The following NXPE2 variants were observed in gnomAD, a reference collection of about 807,000 sequenced individuals.
NXPE2 encodes the protein neurexophilin and PC-esterase domain family member 2.
In NXPE2, 34 loss-of-function variants were observed where a neutral mutation model predicts 34.4. The observed-to-expected ratio is 0.99, with a 90% CI of 0.75 to 1.31. The LOEUF is 1.31. Ranked by LOEUF, NXPE2 falls within the 40% of genes most tolerant of loss-of-function variation. The probability of loss-of-function intolerance (pLI) is 0.00; values close to 1 mark genes in which losing one functional copy is unlikely to be tolerated. For missense variants in NXPE2, 649 were observed against 672.5 expected (o/e 0.97, Z 0.39); for synonymous variants, 235 against 231.3 (o/e 1.02, Z -0.15).
the NXPE2 span, among the ~76,000 whole-genome samples, chr11:114,605,800 AGGGTT>A: frequency 6.6e-6 from 1 of 150,688 alleles, no homozygotes; most frequent in African/African-American, 2.4e-5. Context: ...TATTGCCTCT[AGGGTT>A]ACCACTGTTA....
the NXPE2 span, among the ~76,000 whole-genome samples, chr11:114,538,003 G>A: frequency 6.6e-6 from 1 of 152,164 alleles, no homozygotes; most frequent in Non-Finnish European, 1.5e-5. Flanking sequence ...AAAGCTGGAG[G>A]CATCCCGCTA....
At chr11:114,540,734 C>G in the NXPE2 span, among the ~76,000 whole-genome samples, 1 of 146,482 alleles carries the variant, frequency 6.8e-6, no homozygotes, top group Non-Finnish European at 1.5e-5. Flanking sequence ...GAAGATGAAA[C>G]TTGGAAGAAG....
Position 114,698,624 on chromosome 11 carries a change from A to G in NXPE2, c.712A>G (p.Asn238Asp). 3 of 1,614,176 alleles carry G rather than the reference A, an allele frequency of 1.9e-6. No individual in the cohort carries two copies. The highest frequency in any genetic ancestry group is 2.5e-6 in the Non-Finnish European group (3 of 1,180,010). ...FTECGLTLNT[N>D]AELCQYMDDR... The stretch of plus-strand genomic sequence containing the variant: ...TGAATGTGGCCTGACCCTAAACACA[A>G]ATGCTGAACTGTGCCAGTACATGGA... Residue 238 changes from asparagine (N) to aspartate (D), a missense_variant, in exon 3 of 6, where the codon AAT (asparagine) becomes GAT (aspartate). By Grantham distance (23) the Asn-to-Asp change is conservative. Transcript: ENST00000389586.
chr11:114,588,940 C>T, the NXPE2 span, among the ~76,000 whole-genome samples: 1 of 152,108 alleles, frequency 6.6e-6, no homozygotes, highest in South Asian at 2.1e-4. Context: ...TTTGGAGAAC[C>T]TCCTGAGGGT....
chr11:114,790,060 C>T, the NXPE2 span, among the ~76,000 whole-genome samples: 17 of 152,286 alleles, frequency 1.1e-4, no homozygotes, highest in Admixed American at 5.2e-4. Flanking sequence ...AGGGGACTTA[C>T]GCACTTACAA....
chr11:114,562,084 C>A, the NXPE2 span, among the ~76,000 whole-genome samples: 1 of 152,132 alleles, frequency 6.6e-6, no homozygotes. Flanking sequence ...GTCCTTTTAA[C>A]TTTGTTTTCT....
chr11:114,480,097 G>A, the NXPE2 span, among the ~76,000 whole-genome samples: 3 of 152,048 alleles, frequency 2.0e-5, no homozygotes, highest in East Asian at 5.8e-4. Context: ...TTTCCCACTA[G>A]GCCTCATCTC....
At chr11:114,695,830 A>AACAGACACACACACAC (rs564407542) in intron 2 of NXPE2, among the ~76,000 whole-genome samples, 165 of 132,634 alleles carry the variant, frequency 1.2e-3, no homozygotes, top group Non-Finnish European at 2.1e-3. Flanking sequence ...GTCTCTACTA[A>AACAGACACACACACAC]ACACACACAC....
chr11:114,789,141 C>T, the NXPE2 span, among the ~76,000 whole-genome samples: 1 of 152,156 alleles, frequency 6.6e-6, no homozygotes, highest in Non-Finnish European at 1.5e-5. Context: ...AACAACAATA[C>T]ATTGTATACT....
the NXPE2 span, among the ~76,000 whole-genome samples, chr11:114,641,764 C>G: frequency 1.3e-5 from 2 of 151,912 alleles, no homozygotes; most frequent in Non-Finnish European, 2.9e-5. Context: ...TACATTTGAT[C>G]AAGGGGAAAA....
the NXPE2 span, chr11:114,554,423 A>G: frequency 1.5e-5 from 15 of 977,986 alleles, no homozygotes; most frequent in East Asian, 1.7e-3. Context: ...GTTCTTAAAC[A>G]TTCTTTGTGA....
At chr11:114,580,066 C>T in the NXPE2 span, 4 of 1,325,666 alleles carry the variant, frequency 3.0e-6, no homozygotes, top group Non-Finnish European at 4.3e-6. Context: ...ATATTCCCTT[C>T]TCCCCTTTGA....
At chr11:114,483,394 A>G in the NXPE2 span, among the ~76,000 whole-genome samples, 13 of 152,230 alleles carry the variant, frequency 8.5e-5, no homozygotes, top group Non-Finnish European at 1.2e-4. Context: ...TTGCTGTCTA[A>G]TCTTGATCAA....
At chr11:114,641,885 T>C in the NXPE2 span, among the ~76,000 whole-genome samples, 1 of 152,112 alleles carries the variant, frequency 6.6e-6, no homozygotes, top group Non-Finnish European at 1.5e-5. Context: ...ACATCTGAAT[T>C]GGTGTTCTCA....
the NXPE2 span, among the ~76,000 whole-genome samples, chr11:114,563,037 G>A: frequency 6.6e-6 from 1 of 152,130 alleles, no homozygotes; most frequent in African/African-American, 2.4e-5. Context: ...TGAAGGGTTT[G>A]GGGGAAGAGT....
At chr11:114,637,345 G>T in the NXPE2 span, among the ~76,000 whole-genome samples, 1 of 151,772 alleles carries the variant, frequency 6.6e-6, no homozygotes, top group Non-Finnish European at 1.5e-5. Flanking sequence ...TTTATTTTGA[G>T]CCCATGTGTG....
the NXPE2 span, among the ~76,000 whole-genome samples, chr11:114,721,407 G>C: frequency 6.6e-6 from 1 of 152,092 alleles, no homozygotes; most frequent in African/African-American, 2.4e-5. Flanking sequence ...ATCCGTGTTG[G>C]TGGGTTTGTA....
the NXPE2 span, among the ~76,000 whole-genome samples, chr11:114,744,658 A>G: frequency 2.6e-5 from 4 of 152,084 alleles, no homozygotes; most frequent in African/African-American, 9.7e-5. Flanking sequence ...AAAAATACAA[A>G]AATTAGCCAG....
downstream of NXPE2, among the ~76,000 whole-genome samples, chr11:114,710,518 A>G (rs577303919): frequency 1.3e-5 from 2 of 152,308 alleles, no homozygotes; most frequent in South Asian, 4.1e-4. Context: ...TCATAGAAAC[A>G]TACAACCTAC....
Sources: allele counts gnomAD v4.1 joint callset (sites outside exome capture counted in the v4.1 genomes callset), GRCh38; gene constraint gnomAD v4.1.1; transcripts MANE v1.5; gene names NCBI Gene and HGNC (gene_info 2026-07-23, HGNC 2026-07-21).